LANCL1: variants seen among roughly 807,000 people sequenced by gnomAD.
LANCL1 encodes glutathione S-transferase LANCL1.
Under a neutral mutation model 50.6 loss-of-function variants are expected in LANCL1, and 50 were observed. The observed-to-expected ratio is 0.99, with a 90% CI of 0.79 to 1.25. The LOEUF is 1.25. Among genes scored for constraint, LANCL1 ranks in the 50% most tolerant of loss-of-function variants. LANCL1 has a pLI of 0.00. For missense variants in LANCL1, 532 were observed against 480.7 expected, an observed-to-expected ratio of 1.11 and a Z score of -1.00; for synonymous variants, 188 against 178.6, an observed-to-expected ratio of 1.05 and a Z score of -0.42.
At chr2:210,449,304 C>G (rs767727663) in intron 4 of LANCL1, among the ~76,000 whole-genome samples, 1 of 152,146 alleles carries the variant, frequency 6.6e-6, no homozygotes, top group South Asian at 2.1e-4. Context: ...ATTCAACAGC[C>G]CTTCATGCTA....
At chr2:210,474,448 G>A (rs1378840321) in intron 2 of LANCL1, among the ~76,000 whole-genome samples, 1 of 151,964 alleles carries the variant, frequency 6.6e-6, no homozygotes, top group Non-Finnish European at 1.5e-5. Context: ...CGACATGGTG[G>A]CTCACACCTG....
In LANCL1 at chr2:210,432,355, A is replaced by T. The variant is rs1245729845; in HGVS notation, c.*2132T>A. On this transcript the variant is annotated 3_prime_UTR_variant, in exon 10 of 10. Transcript: ENST00000450366. ...GATGAATTTGCTAACTGATGACAGTAGCTAACCCATTTATGCTGGGGGTTG... is the reference window on the plus strand; with the variant it reads ...GATGAATTTGCTAACTGATGACAGTTGCTAACCCATTTATGCTGGGGGTTG... 1 of 152,238 alleles carries T rather than the reference A, an allele frequency of 6.6e-6. No individual in the cohort carries two copies. The highest frequency in any genetic ancestry group is 1.5e-5 in the Non-Finnish European group (1 of 68,046). The allele number at this position is 152,238 out of a possible 1,614,324, so 9.4% of individuals were successfully genotyped here.
intron 4 of LANCL1, among the ~76,000 whole-genome samples, chr2:210,447,109 G>A (rs1201884935): frequency 1.3e-5 from 2 of 152,108 alleles, no homozygotes; most frequent in African/African-American, 2.4e-5. Flanking sequence ...GAGAAAGGTC[G>A]GGTTACCCAC....
At position 210,433,258 on chromosome 2, in the gene LANCL1, CT is replaced by C. The variant is rs774812072; in HGVS notation, c.*1228del. 6 of 152,378 alleles carry C rather than the reference CT, an allele frequency of 3.9e-5. No homozygotes were observed. Among genetic ancestry groups the C allele is most frequent in the Non-Finnish European group, 5.9e-5 (4 of 68,028 alleles). 9.4% of individuals were successfully genotyped at this position (152,378 alleles called of 1,614,324 possible). A position where few individuals can be genotyped will look rare whatever the true frequency, so the allele number is the denominator to read the frequency against. ...AACAGAATTTGAAGCACCAGAGAGT[CT>C]TTATCTACTACGGAAAACCTGATTC... On this transcript the variant is annotated 3_prime_UTR_variant, in exon 10 of 10. Transcript: ENST00000450366.
At chr2:210,437,289 A>T (rs1174541662) in intron 7 of LANCL1, among the ~76,000 whole-genome samples, 1 of 152,208 alleles carries the variant, frequency 6.6e-6, no homozygotes, top group Non-Finnish European at 1.5e-5. Context: ...ATAATAATCC[A>T]TTGCATTGTG....
At chr2:210,457,499 C>T (rs569612829) in intron 3 of LANCL1, among the ~76,000 whole-genome samples, 8 of 152,226 alleles carry the variant, frequency 5.3e-5, no homozygotes, top group African/African-American at 1.7e-4. Context: ...CACAACTTCA[C>T]GGGCTTTGCA....
At chr2:210,457,201 T>C (rs966294202) in intron 3 of LANCL1, among the ~76,000 whole-genome samples, 10 of 152,190 alleles carry the variant, frequency 6.6e-5, no homozygotes. Flanking sequence ...TGAGTGCTGC[T>C]GCCAATTAGA....
chr2:210,466,754 A>G (rs1694075249), intron 3 of LANCL1, among the ~76,000 whole-genome samples: 1 of 152,190 alleles, frequency 6.6e-6, no homozygotes, highest in Admixed American at 6.5e-5. Flanking sequence ...CACGGAACAA[A>G]CCAGATAGAG....
chr2:210,439,288 C>T (rs995358190), intron 6 of LANCL1, among the ~76,000 whole-genome samples: 1 of 152,192 alleles, frequency 6.6e-6, no homozygotes, highest in Non-Finnish European at 1.5e-5. Flanking sequence ...TTTCTTACTA[C>T]AGCTAACACA....
intron 4 of LANCL1, among the ~76,000 whole-genome samples, chr2:210,453,084 C>A (rs1324287015): frequency 6.6e-6 from 1 of 151,910 alleles, no homozygotes; most frequent in Non-Finnish European, 1.5e-5. Context: ...AATAAAAAAT[C>A]TGAAAAAAAT....
intron 5 of LANCL1, 47 bp downstream of exon 5, chr2:210,441,261 G>A (rs1189368456): frequency 5.1e-6 from 8 of 1,581,876 alleles, no homozygotes; most frequent in Admixed American, 1.7e-5. Flanking sequence ...CAGATAGTAA[G>A]TAAATGGGAT....
rs1413381518 is a variant in LANCL1, at chr2:210,433,992, A to G, written c.*495T>C. On this transcript the variant is annotated 3_prime_UTR_variant, in exon 10 of 10. Coordinates refer to ENST00000450366, the MANE Select transcript of LANCL1 (RefSeq NM_006055.3). ...ATTTTTCTCCTGGAAGCATTTAGTTATATTTCTGTCCCCTTTCAAAATGAA... is the reference window on the plus strand; with the variant it reads ...ATTTTTCTCCTGGAAGCATTTAGTTGTATTTCTGTCCCCTTTCAAAATGAA... The G allele has an allele frequency of 2.6e-5, 4 of 152,242 alleles. No homozygotes were observed. The highest frequency in any genetic ancestry group is 1.9e-4 in the East Asian group (1 of 5,192). 9.4% of individuals were successfully genotyped at this position (152,242 alleles called of 1,614,324 possible). A position where few individuals can be genotyped will look rare whatever the true frequency, so the allele number is the denominator to read the frequency against.
intron 3 of LANCL1, among the ~76,000 whole-genome samples, chr2:210,464,685 GGCCGGGCGCGGTGGCTC>G (rs1693982694): frequency 4.6e-5 from 7 of 152,102 alleles, no homozygotes; most frequent in African/African-American, 1.7e-4. Context: ...TATGCGTACA[GGCCGGGCGCGGTGGCTC>G]ACGCCTGTAA....
intron 4 of LANCL1, among the ~76,000 whole-genome samples, chr2:210,443,482 T>C (rs978220712): frequency 6.6e-6 from 1 of 152,216 alleles, no homozygotes; most frequent in Non-Finnish European, 1.5e-5. Flanking sequence ...TGAGACGACA[T>C]TAGCCCTAAC....
At position 210,436,358 on chromosome 2, in the gene LANCL1, T is replaced by A; in HGVS notation, c.908A>T (p.Tyr303Phe). The A allele has an allele frequency of 6.2e-7, 1 of 1,614,086 alleles. No individual in the cohort carries two copies. Among genetic ancestry groups the A allele is most frequent in the South Asian group, 1.1e-5 (1 of 91,078 alleles). Residue 303 changes from tyrosine to phenylalanine, a missense_variant, in exon 8 of 10, where the codon TAT (tyrosine) becomes TTT (phenylalanine). Transcript: ENST00000450366. ...FREEKYLCDA[Y>F]QCADVIWQYG... ...TTGCCAGATCACATCAGCACACTGA[T>A]AGGCATCACAGAGATACTTTTCCTC...
At chr2:210,445,825 C>T (rs1693306803) in intron 4 of LANCL1, among the ~76,000 whole-genome samples, 1 of 152,124 alleles carries the variant, frequency 6.6e-6, no homozygotes, top group Middle Eastern at 3.2e-3. Context: ...TAGTTCTGTT[C>T]CTCTCCTCAC....
At chr2:210,438,087 G>A (rs1269648326) in intron 6 of LANCL1, among the ~76,000 whole-genome samples, 1 of 150,124 alleles carries the variant, frequency 6.7e-6, no homozygotes, top group Non-Finnish European at 1.5e-5. Context: ...AAGTAAAATT[G>A]CTATCAGTTA....
chr2:210,472,378 A>G (rs891403200), intron 2 of LANCL1, among the ~76,000 whole-genome samples: 1 of 152,238 alleles, frequency 6.6e-6, no homozygotes, highest in African/African-American at 2.4e-5. Flanking sequence ...TATTTAAACC[A>G]ATATTATAAT....
intron 4 of LANCL1, among the ~76,000 whole-genome samples, 158 bp from the exon 5 acceptor site, chr2:210,441,601 C>A (rs1330968329): frequency 6.6e-6 from 1 of 152,050 alleles, no homozygotes; most frequent in Admixed American, 6.6e-5. Flanking sequence ...ACAGATTAGC[C>A]CTCCATTAAA....
Sources: allele counts gnomAD v4.1 joint callset (sites outside exome capture counted in the v4.1 genomes callset), GRCh38; gene constraint gnomAD v4.1.1; transcripts MANE v1.5; gene names NCBI Gene and HGNC (gene_info 2026-07-23, HGNC 2026-07-21).